SDK1: variants seen among roughly 807,000 people sequenced by gnomAD.
The protein encoded by SDK1 is protein sidekick-1.
SDK1 carries 157 observed loss-of-function variants against 245.5 expected under a neutral mutation model. The ratio of observed to expected loss-of-function variants is 0.64; its 90% CI spans 0.56 to 0.73. The LOEUF is 0.73. SDK1 is among the 30% of genes least tolerant of loss of function. The pLI, the probability that SDK1 is intolerant of heterozygous loss-of-function variation, is 0.00. For missense variants in SDK1, 3,583 were observed against 3,002.3 expected (o/e 1.19, Z -4.52); for synonymous variants, 1,647 against 1,278.5 (o/e 1.29, Z -6.15).
intron 35 of SDK1, among the ~76,000 whole-genome samples, chr7:4,179,473 G>A (rs1335016148): frequency 2.0e-5 from 3 of 152,056 alleles, no homozygotes; most frequent in Non-Finnish European, 2.9e-5. Flanking sequence ...AATTGGGAAG[G>A]GTTATTGTTA....
chr7:3,820,102 C>A (rs568068663), intron 4 of SDK1, among the ~76,000 whole-genome samples: 4 of 152,190 alleles, frequency 2.6e-5, no homozygotes, highest in South Asian at 2.1e-4. Context: ...TGCATCTTAC[C>A]TTCTATGCCA....
At chr7:4,024,408 C>A (rs896198691) in intron 17 of SDK1, among the ~76,000 whole-genome samples, 3 of 152,174 alleles carry the variant, frequency 2.0e-5, no homozygotes, top group Non-Finnish European at 2.9e-5. Flanking sequence ...TCAGGCTGTA[C>A]CTGCAGAATA....
intron 16 of SDK1, among the ~76,000 whole-genome samples, chr7:4,016,969 T>C (rs1304496371): frequency 6.6e-6 from 1 of 152,246 alleles, no homozygotes; most frequent in Admixed American, 6.5e-5. Flanking sequence ...CCATTTTGCC[T>C]TGAGCTTATA....
chr7:4,022,626 C>T (rs900086093), intron 17 of SDK1, among the ~76,000 whole-genome samples: 4 of 152,076 alleles, frequency 2.6e-5, no homozygotes, highest in African/African-American at 9.7e-5. Flanking sequence ...GGTAGCAGCT[C>T]ATTCTTCTAG....
At chr7:4,220,604 A>G (rs1027579521) in intron 39 of SDK1, among the ~76,000 whole-genome samples, 7 of 150,504 alleles carry the variant, frequency 4.7e-5, no homozygotes, top group African/African-American at 1.2e-4. Context: ...TTTCCAGGTC[A>G]TGGGGAAGAA....
chr7:3,632,488 A>T (rs1255861520), intron 2 of SDK1, among the ~76,000 whole-genome samples: 1 of 152,214 alleles, frequency 6.6e-6, no homozygotes, highest in Non-Finnish European at 1.5e-5. Flanking sequence ...CATCTAATTG[A>T]TACCAGGAGA....
At chr7:3,932,925 T>G (rs954420505) in intron 5 of SDK1, among the ~76,000 whole-genome samples, 3 of 152,020 alleles carry the variant, frequency 2.0e-5, no homozygotes, top group African/African-American at 7.2e-5. Context: ...TGAGCCTGAT[T>G]ATTTACGCTT....
At chr7:3,671,172 A>G (rs1451385195) in intron 4 of SDK1, among the ~76,000 whole-genome samples, 1 of 152,214 alleles carries the variant, frequency 6.6e-6, no homozygotes, top group Non-Finnish European at 1.5e-5. Flanking sequence ...GGAGACAAGA[A>G]ACACTGAACA....
At chr7:3,685,122 A>G (rs1784236104) in intron 4 of SDK1, among the ~76,000 whole-genome samples, 2 of 152,172 alleles carry the variant, frequency 1.3e-5, no homozygotes, top group Non-Finnish European at 2.9e-5. Context: ...GCCTAAACCT[A>G]TAAATTCGGG....
At chr7:3,831,400 T>G (rs1201015059) in intron 5 of SDK1, among the ~76,000 whole-genome samples, 1 of 152,214 alleles carries the variant, frequency 6.6e-6, no homozygotes, top group Non-Finnish European at 1.5e-5. Context: ...AAGCTGCTAA[T>G]TAAGAAACAC....
At chr7:3,900,288 G>A (rs530816540) in intron 5 of SDK1, among the ~76,000 whole-genome samples, 59 of 152,214 alleles carry the variant, frequency 3.9e-4, no homozygotes, top group African/African-American at 1.1e-3. Flanking sequence ...TATTTAACAC[G>A]CGTAATTGAA....
intron 22 of SDK1, 140 bp from the exon 23 acceptor site, chr7:4,110,523 C>T (rs1783269473): frequency 6.2e-6 from 4 of 646,430 alleles, no homozygotes; most frequent in African/African-American, 1.8e-5. Context: ...GGGGGTTGTG[C>T]AGGACTCAAC....
intron 1 of SDK1, among the ~76,000 whole-genome samples, chr7:3,427,958 T>A (rs185814947): frequency 3.6e-4 from 55 of 152,324 alleles, no homozygotes; most frequent in Admixed American, 1.4e-3. Flanking sequence ...CTAAACGTCG[T>A]TTATGTTTGA....
At chr7:3,834,242 C>T (rs1480322423) in intron 5 of SDK1, among the ~76,000 whole-genome samples, 1 of 152,228 alleles carries the variant, frequency 6.6e-6, no homozygotes, top group African/African-American at 2.4e-5. Flanking sequence ...CTATTCCGCT[C>T]AGAAAACGCT....
Position 4,074,898 on chromosome 7 carries a change from A to G in SDK1, c.3011-2100A>G, listed in dbSNP as rs1206198827. Among the ~76,000 whole-genome samples, 237 of 56,676 alleles carry G rather than the reference A, an allele frequency of 4.2e-3. 2 individuals carry two copies. Among genetic ancestry groups the G allele is most frequent in the African/African-American group, 0.035 (219 of 6,288 alleles). 37.2% of individuals were successfully genotyped at this position (56,676 alleles called of 152,430 possible). On this transcript the variant is annotated intron_variant, in intron 20 of 44. Coordinates refer to ENST00000404826, the MANE Select transcript of SDK1 (RefSeq NM_152744.4). ...TCTCTCTCTCTCTGTATATATATATATATATATATATATATATATTTTTTT... is the reference window on the plus strand; with the variant it reads ...TCTCTCTCTCTCTGTATATATATATGTATATATATATATATATATTTTTTT...
Position 3,496,620 on chromosome 7 carries a change from C to G in SDK1, c.299-122460C>G, listed in dbSNP as rs370714771. On this transcript the variant is annotated intron_variant, in intron 1 of 44. Coordinates refer to ENST00000404826, the MANE Select transcript of SDK1 (RefSeq NM_152744.4). ...TGAAAATTTAAAACAGGATTCAGGTCAAGTATAATATATTGGTTTACACTT... is the reference window on the plus strand; with the variant it reads ...TGAAAATTTAAAACAGGATTCAGGTGAAGTATAATATATTGGTTTACACTT... Among the ~76,000 whole-genome samples the G allele has an allele frequency of 6.6e-5, 10 of 152,228 alleles. No homozygotes were observed. The East Asian group carries it at 1.9e-3, about 29-fold the overall frequency.
rs530365520 is a variant in SDK1 at position 4,256,862 on chromosome 7, T to TC, written c.6382-8257dup. ...AGAAAACAGTGAGGCCATCCTTTTA[T>TC]CCCCCAGGACATTTTTAAACCACTC... On this transcript the variant is annotated intron_variant, in intron 44 of 44. Transcript: ENST00000404826. Among the ~76,000 whole-genome samples the TC allele has an allele frequency of 4.7e-4, 71 of 152,264 alleles. 1 individual carries two copies. The highest frequency in any genetic ancestry group is 1.4e-3 in the African/African-American group (59 of 41,550).
chr7:4,070,177 G>C (rs1450617916), intron 20 of SDK1, among the ~76,000 whole-genome samples: 2 of 152,212 alleles, frequency 1.3e-5, no homozygotes, highest in East Asian at 3.8e-4. Context: ...AATAATACTT[G>C]CATTTCTTTT....
chr7:3,481,439 A>G (rs1456853890), intron 1 of SDK1, among the ~76,000 whole-genome samples: 1 of 152,226 alleles, frequency 6.6e-6, no homozygotes, highest in African/African-American at 2.4e-5. Flanking sequence ...GTACTCCTCT[A>G]GATATGCCCT....
Sources: gnomAD v4.1 joint callset for allele counts (sites outside exome capture counted in the v4.1 genomes callset) on GRCh38, gnomAD v4.1.1 for gene constraint, MANE v1.5 for transcripts, NCBI Gene and HGNC (gene_info 2026-07-23, HGNC 2026-07-21) for gene names.